SLC25A21: variants seen among roughly 807,000 people sequenced by gnomAD.
SLC25A21 encodes solute carrier family 25 member 21, also known as mitochondrial 2-oxodicarboxylate carrier.
A neutral mutation model predicts 43.8 loss-of-function variants in SLC25A21; 47 were observed. The ratio of observed to expected loss-of-function variants is 1.07; its 90% CI spans 0.85 to 1.37. The LOEUF (loss-of-function observed/expected upper bound fraction) is 1.37. Ranked by LOEUF, SLC25A21 falls within the 40% of genes most tolerant of loss-of-function variation. The probability of loss-of-function intolerance (pLI) is 0.00; values close to 1 mark genes in which losing one functional copy is unlikely to be tolerated. For missense variants in SLC25A21, 352 were observed against 350.2 expected (o/e 1.00, Z -0.04); for synonymous variants, 131 against 121.3 (o/e 1.08, Z -0.52).
Position 37,172,347 on chromosome 14 carries a change from A to C in SLC25A21, c.4T>G (p.Ser2Ala), listed in dbSNP as rs1448431510. 2 of 1,597,892 alleles carry C rather than the reference A, an allele frequency of 1.3e-6. No homozygotes were observed. The highest frequency in any genetic ancestry group is 1.3e-5 in the African/African-American group (1 of 74,658). Residue 2 changes from serine (S) to alanine (A), a missense_variant, in exon 1 of 10, where the codon TCC (serine) becomes GCC (alanine). Physicochemically the swap from Ser to Ala is moderately conservative, Grantham distance 99. Coordinates refer to ENST00000331299, the MANE Select transcript of SLC25A21 (RefSeq NM_030631.4). Reference sequence around the variant, plus strand: ...ACTAAGCTGACTTCAGGCTTGGCGGACATCTTCGCCAGGCGGGAGGACAAG... The same window carrying C: ...ACTAAGCTGACTTCAGGCTTGGCGGCCATCTTCGCCAGGCGGGAGGACAAG... M[S>A]AKPEVSLVRE...
chr14:37,076,392 T>G (rs1204438529), intron 1 of SLC25A21, among the ~76,000 whole-genome samples: 3 of 152,142 alleles, frequency 2.0e-5, no homozygotes, highest in Non-Finnish European at 2.9e-5. Flanking sequence ...AGGCTGGTCT[T>G]GAACTCCTGA....
intron 1 of SLC25A21, among the ~76,000 whole-genome samples, chr14:36,973,293 A>G (rs1220222441): frequency 6.6e-6 from 1 of 152,136 alleles, no homozygotes; most frequent in African/African-American, 2.4e-5. Context: ...TGGGGAGACA[A>G]GTGATGTCAG....
intron 3 of SLC25A21, among the ~76,000 whole-genome samples, chr14:36,749,817 C>T (rs1158696572): frequency 1.3e-5 from 2 of 152,212 alleles, no homozygotes; most frequent in Non-Finnish European, 2.9e-5. Flanking sequence ...TCCATTACCT[C>T]CCCTTTATTC....
At chr14:37,017,147 G>C (rs958949021) in intron 1 of SLC25A21, among the ~76,000 whole-genome samples, 1 of 152,014 alleles carries the variant, frequency 6.6e-6, no homozygotes, top group Non-Finnish European at 1.5e-5. Flanking sequence ...TAGTGCAAGA[G>C]GCCTAGCTTT....
At chr14:36,709,287 GA>G (rs771551768) in intron 7 of SLC25A21, among the ~76,000 whole-genome samples, 39 of 152,346 alleles carry the variant, frequency 2.6e-4, no homozygotes, top group Middle Eastern at 3.4e-3. Flanking sequence ...CGAGCCCCAT[GA>G]TTGATTTAAT....
At chr14:37,040,381 AAGAAAG>A (rs1489958164) in intron 1 of SLC25A21, among the ~76,000 whole-genome samples, 1 of 56,154 alleles carries the variant, frequency 1.8e-5, no homozygotes, top group Non-Finnish European at 3.1e-5. Context: ...GAGAGAAAGA[AAGAAAG>A]AAAGAAAGAA....
At chr14:36,764,584 C>CA (rs766191251) in intron 3 of SLC25A21, among the ~76,000 whole-genome samples, 965 of 92,884 alleles carry the variant, frequency 0.01, 6 homozygotes, top group Non-Finnish European at 0.017. Context: ...AAACAAAAAA[C>CA]AAAAAAAACC....
chr14:36,824,802 T>TAAAAA (rs11386652), intron 2 of SLC25A21, among the ~76,000 whole-genome samples: 20 of 99,556 alleles, frequency 2.0e-4, no homozygotes, highest in Admixed American at 8.2e-4. Context: ...TCTGGAATCC[T>TAAAAA]AAAAAAAAAA....
At chr14:36,974,188 T>C (rs1311300572) in intron 1 of SLC25A21, among the ~76,000 whole-genome samples, 1 of 152,342 alleles carries the variant, frequency 6.6e-6, no homozygotes, top group Non-Finnish European at 1.5e-5. Flanking sequence ...CACCAGTATT[T>C]AAAGTTTACT....
intron 1 of SLC25A21, among the ~76,000 whole-genome samples, chr14:37,094,316 A>C (rs1039331398): frequency 4.6e-5 from 7 of 152,210 alleles, no homozygotes. Flanking sequence ...AATCAGACAC[A>C]AAAAGGTGCC....
chr14:36,906,083 A>G (rs1362722795), intron 1 of SLC25A21, among the ~76,000 whole-genome samples: 1 of 152,192 alleles, frequency 6.6e-6, no homozygotes, highest in African/African-American at 2.4e-5. Context: ...TATAAAAGGT[A>G]CTATTTGGGA....
rs1890604468 is a variant in SLC25A21 at position 36,878,218 on chromosome 14, T to C, written c.71-3214A>G. 2.0e-5 allele frequency among the ~76,000 whole-genome samples: 3 copies of C among 152,128 alleles called. No homozygotes were observed. In the South Asian group the frequency reaches 6.2e-4, roughly 32 times the overall value. Reference sequence around the variant, plus strand: ...AGATTTGAGAGTCAATGGCCATCTATGAAACTACCTGCAAAACTGTGACAT... The same window carrying C: ...AGATTTGAGAGTCAATGGCCATCTACGAAACTACCTGCAAAACTGTGACAT... On this transcript the variant is annotated intron_variant, in intron 1 of 9. Transcript: ENST00000331299.
intron 1 of SLC25A21, among the ~76,000 whole-genome samples, chr14:37,144,914 C>A (rs1239952351): frequency 6.8e-6 from 1 of 146,510 alleles, no homozygotes; most frequent in East Asian, 2.0e-4. Context: ...ATTACACGCC[C>A]AGCCTGGGTG....
chr14:36,969,694 G>A (rs548141574), intron 1 of SLC25A21, among the ~76,000 whole-genome samples: 1 of 151,978 alleles, frequency 6.6e-6, no homozygotes, highest in South Asian at 2.1e-4. Context: ...GTCTCGGTAC[G>A]TTATCTATAC....
chr14:36,878,367 A>G (rs907609670), intron 1 of SLC25A21, among the ~76,000 whole-genome samples: 2 of 152,222 alleles, frequency 1.3e-5, no homozygotes, highest in African/African-American at 4.8e-5. Context: ...TAAGTTAGTG[A>G]TAAAATGCAT....
At chr14:36,694,952 C>T (rs1421993438) in intron 7 of SLC25A21, among the ~76,000 whole-genome samples, 4 of 152,164 alleles carry the variant, frequency 2.6e-5, no homozygotes, top group Non-Finnish European at 5.9e-5. Context: ...CTTGCCATTG[C>T]TTTTGGTGTT....
chr14:37,047,657 GA>G (rs1349280242), intron 1 of SLC25A21, among the ~76,000 whole-genome samples: 2 of 152,162 alleles, frequency 1.3e-5, no homozygotes, highest in Admixed American at 6.5e-5. Flanking sequence ...GTTTTGAAAC[GA>G]ATCAGTAAAG....
intron 1 of SLC25A21, among the ~76,000 whole-genome samples, chr14:36,904,899 A>G (rs1891494097): frequency 2.0e-5 from 3 of 152,178 alleles, no homozygotes; most frequent in African/African-American, 7.2e-5. Context: ...GCCAAATCAT[A>G]TCACTCGTGT....
chr14:36,690,383 A>G (rs1242678128), intron 7 of SLC25A21, among the ~76,000 whole-genome samples: 1 of 152,212 alleles, frequency 6.6e-6, no homozygotes, highest in Non-Finnish European at 1.5e-5. Context: ...ACACCATTTT[A>G]CAGGTAAGGA....
Sources: gnomAD v4.1 joint callset for allele counts (sites outside exome capture counted in the v4.1 genomes callset) on GRCh38, gnomAD v4.1.1 for gene constraint, MANE v1.5 for transcripts, NCBI Gene and HGNC (gene_info 2026-07-23, HGNC 2026-07-21) for gene names.